The following ARL17B variants were observed in gnomAD, a reference collection of about 807,000 sequenced individuals.
ARL17B encodes ARF like GTPase 17B, also known as ADP-ribosylation factor-like protein 17.
At chr17:46,280,569 C>CTTT (rs56981193) in intron 4 of ARL17B, among the ~76,000 whole-genome samples, 8,176 of 111,788 alleles carry the variant, frequency 0.073, 222 homozygotes, top group Middle Eastern at 0.1. Context: ...TGATAGCACA[C>CTTT]TTTTTTTTTT....
chr17:46,339,910 G>GC, intron 3 of ARL17B, 136 bp from the exon 4 acceptor site: 2 of 102,078 alleles, frequency 2.0e-5, no homozygotes, highest in East Asian at 1.3e-4. Flanking sequence ...AGGTGTTTGG[G>GC]TGTCTGAGGC....
intron 4 of ARL17B, among the ~76,000 whole-genome samples, chr17:46,281,935 CGCCTA>C (rs1262086872): frequency 9.2e-5 from 14 of 152,086 alleles, no homozygotes; most frequent in Admixed American, 9.2e-4. Context: ...TGAGCCATCA[CGCCTA>C]GCCTAGTTTT....
chr17:46,279,152 T>C (rs1482449599), intron 4 of ARL17B, among the ~76,000 whole-genome samples: 1 of 151,978 alleles, frequency 6.6e-6, no homozygotes, highest in East Asian at 1.9e-4. Flanking sequence ...CTATACCACC[T>C]AGTCCTTTGC....
At chr17:46,316,818 AACG>A (rs2051153456) in intron 3 of ARL17B, among the ~76,000 whole-genome samples, 1 of 101,852 alleles carries the variant, frequency 9.8e-6, no homozygotes, top group Non-Finnish European at 2.2e-5. Context: ...GATGACTCTT[AACG>A]AGCATGCTGC....
Position 46,350,579 on chromosome 17 carries a change from G to A in ARL17B, c.259+2241C>T, listed in dbSNP as rs964772488. On this transcript the variant is annotated intron_variant, in intron 3 of 3. Transcript: ENST00000450673. ...AGCAGTTAAAAAAAAAAAAAAAGGG[G>A]GGGGGAGGCCAGGCGAGGTGGCTCA... Among the ~76,000 whole-genome samples, 44 of 89,510 alleles carry A rather than the reference G, an allele frequency of 4.9e-4. 5 individuals carry two copies. The highest frequency in any genetic ancestry group is 1.2e-3 in the African/African-American group (37 of 30,076). The allele number at this position is 89,510 out of a possible 152,430, so 58.7% of individuals were successfully genotyped here.
chr17:46,288,305 C>CTTTTTT (rs78255121), intron 4 of ARL17B, among the ~76,000 whole-genome samples: 4 of 112,258 alleles, frequency 3.6e-5, no homozygotes, highest in Admixed American at 9.2e-5. Context: ...CCAGGCCCGG[C>CTTTTTT]TTTTTTTTTT....
chr17:46,291,898 C>T (rs561828965), intron 4 of ARL17B, among the ~76,000 whole-genome samples: 23 of 148,544 alleles, frequency 1.5e-4, no homozygotes, highest in African/African-American at 4.5e-4. Flanking sequence ...TAGGGGGAGG[C>T]TGCGATGGGG....
At chr17:46,278,315 G>A (rs1389706987) in intron 4 of ARL17B, among the ~76,000 whole-genome samples, 1 of 152,102 alleles carries the variant, frequency 6.6e-6, no homozygotes, top group East Asian at 1.9e-4. Context: ...TGGCAAATGA[G>A]AGCCAAGCTC....
chr17:46,357,161 G>A (rs549961780), intron 2 of ARL17B, among the ~76,000 whole-genome samples: 7,105 of 97,098 alleles, frequency 0.073, 1,496 homozygotes, highest in African/African-American at 0.29. Flanking sequence ...GTGACAGAGC[G>A]AGACTCTATC....
chr17:46,276,018 G>A (rs2049577406), intron 4 of ARL17B, among the ~76,000 whole-genome samples: 1 of 152,164 alleles, frequency 6.6e-6, no homozygotes. Flanking sequence ...AGCCTCCCGA[G>A]TAGCTGGGAT....
intron 2 of ARL17B, among the ~76,000 whole-genome samples, chr17:46,357,129 C>T (rs1336531905): frequency 1.2e-5 from 1 of 86,846 alleles, no homozygotes; most frequent in Non-Finnish European, 2.1e-5. Flanking sequence ...GCCGAGATCG[C>T]GCCACTGTAC....
chr17:46,291,037 G>A (rs1296250185), intron 4 of ARL17B, among the ~76,000 whole-genome samples: 1 of 152,228 alleles, frequency 6.6e-6, no homozygotes, highest in African/African-American at 2.4e-5. Flanking sequence ...TAATGAATCT[G>A]CTTCTCTGTC....
intron 4 of ARL17B, among the ~76,000 whole-genome samples, chr17:46,277,638 T>C (rs80063265): frequency 1.1e-5 from 1 of 93,076 alleles, no homozygotes; most frequent in African/African-American, 3.6e-5. Context: ...TTTCTTTTCT[T>C]TTCTTTCTTT....
chr17:46,312,734 A>G (rs1318199220), intron 3 of ARL17B, among the ~76,000 whole-genome samples: 1 of 71,720 alleles, frequency 1.4e-5, no homozygotes, highest in Non-Finnish European at 2.8e-5. Flanking sequence ...ATCACGAAGG[A>G]TATTTAAAGC....
chr17:46,276,254 T>C (rs2049584249), intron 4 of ARL17B, among the ~76,000 whole-genome samples: 1 of 152,272 alleles, frequency 6.6e-6, no homozygotes, highest in Non-Finnish European at 1.5e-5. Flanking sequence ...AAGGACTTTA[T>C]ATTGCAATAG....
chr17:46,276,306 C>T (rs1439702154), intron 4 of ARL17B, among the ~76,000 whole-genome samples: 1 of 152,180 alleles, frequency 6.6e-6, no homozygotes, highest in Non-Finnish European at 1.5e-5. Flanking sequence ...TACAGTATTC[C>T]AATAGTTTAC....
At chr17:46,283,052 G>C (rs2049812538) in intron 4 of ARL17B, among the ~76,000 whole-genome samples, 1 of 152,162 alleles carries the variant, frequency 6.6e-6, no homozygotes, top group African/African-American at 2.4e-5. Context: ...CTGGGAGGCA[G>C]AGGTTGTATT....
chr17:46,278,401 G>GTT (rs1464305633), intron 4 of ARL17B, among the ~76,000 whole-genome samples: 3 of 129,688 alleles, frequency 2.3e-5, no homozygotes, highest in Non-Finnish European at 4.8e-5. Context: ...GTTTTATTTT[G>GTT]TTTTTTTTTT....
chr17:46,281,090 GT>G (rs1457977554), intron 4 of ARL17B, among the ~76,000 whole-genome samples: 2 of 152,058 alleles, frequency 1.3e-5, no homozygotes. Flanking sequence ...TCTAATTCTT[GT>G]TTTATAGATT....
Sources: allele counts gnomAD v4.1 joint callset (sites outside exome capture counted in the v4.1 genomes callset), GRCh38; gene constraint gnomAD v4.1.1; transcripts MANE v1.5; gene names NCBI Gene and HGNC (gene_info 2026-07-23, HGNC 2026-07-21).